The following KNL1 variants were observed in gnomAD, a reference collection of about 807,000 sequenced individuals.
KNL1 encodes the protein kinetochore scaffold 1.
A neutral mutation model predicts 201.3 loss-of-function variants in KNL1; 66 were observed. The observed-to-expected ratio is 0.33, with a 90% confidence interval of 0.27 to 0.40. KNL1 has a LOEUF of 0.40. Among genes scored for constraint, KNL1 ranks in the 10% least tolerant of loss-of-function variants. The probability of loss-of-function intolerance (pLI) is 1.00; values close to 1 mark genes in which losing one functional copy is unlikely to be tolerated. For missense variants in KNL1, 2,815 were observed against 2,690.5 expected, an observed-to-expected ratio of 1.05 and a Z score of -1.02; for synonymous variants, 895 against 899.2, an observed-to-expected ratio of 1.00 and a Z score of 0.08.
In KNL1 at chr15:40,599,966, A is replaced by G. The variant is rs1228781931; in HGVS notation, c.-17-2949A>G. ...GCTGGGACTGCAGGCACATTGCCCC[A>G]TATCTGCCCACCCAATTTTGCATTT... is the stretch of plus-strand genomic sequence containing the variant. On this transcript the variant is annotated intron_variant, in intron 1 of 25. Coordinates refer to ENST00000399668, the MANE Select transcript of KNL1 (RefSeq NM_144508.5). Among the ~76,000 whole-genome samples the G allele has an allele frequency of 4.6e-5, 7 of 151,500 alleles. No homozygotes were observed. In the East Asian group the frequency reaches 1.4e-3, roughly 29 times the overall value.
chr15:40,636,003 A>G (rs1222384117), intron 13 of KNL1, among the ~76,000 whole-genome samples: 3 of 151,830 alleles, frequency 2.0e-5, no homozygotes, highest in Non-Finnish European at 4.4e-5. Context: ...ATGCCTGGCT[A>G]ATTTTTGTAT....
intron 2 of KNL1, among the ~76,000 whole-genome samples, chr15:40,603,610 A>G (rs956780760): frequency 1.3e-5 from 2 of 152,322 alleles, no homozygotes; most frequent in East Asian, 3.9e-4. Flanking sequence ...TCTACAAAAA[A>G]TAAATTTTTT....
At chr15:40,602,313 T>G (rs1282574879) in intron 1 of KNL1, among the ~76,000 whole-genome samples, 1 of 149,564 alleles carries the variant, frequency 6.7e-6, no homozygotes. Flanking sequence ...ATTTTTTTTT[T>G]TTTCAGTAGA....
chr15:40,661,495 G>A (rs1893907978), intron 25 of KNL1, among the ~76,000 whole-genome samples: 1 of 152,044 alleles, frequency 6.6e-6, no homozygotes, highest in Non-Finnish European at 1.5e-5. Flanking sequence ...GACTCTGGGG[G>A]TGGGGAAAAA....
At chr15:40,658,820 A>C (rs1164890351) in intron 24 of KNL1, among the ~76,000 whole-genome samples, 5 of 149,066 alleles carry the variant, frequency 3.4e-5, no homozygotes, top group Non-Finnish European at 7.4e-5. Flanking sequence ...GTCCCAGCTA[A>C]TCAGGAGGCT....
intron 21 of KNL1, among the ~76,000 whole-genome samples, chr15:40,652,455 C>CTTTTTTTTTTT (rs35374662): frequency 8.3e-6 from 1 of 120,066 alleles, no homozygotes. Context: ...GCTGGAGATT[C>CTTTTTTTTTTT]TTTTTTTTTT....
In KNL1 at chr15:40,662,138, G is replaced by A; in HGVS notation, c.6901G>A (p.Val2301Ile). Residue 2301 changes from valine (V) to isoleucine (I), a missense_variant, in exon 26 of 26, where the codon GTC becomes ATC. Val to Ile is a conservative substitution (Grantham distance 29). This residue lies in a region of KNL1 where 334 missense variants were observed against 362.6 expected (regional missense o/e 0.92). Coordinates refer to ENST00000399668, the MANE Select transcript of KNL1 (RefSeq NM_144508.5). ...PLENNYLKNV[V>I]KQIYQDLFQD... ...GGAGAACAACTACCTGAAGAATGTAGTCAAGCAAATTTACCAAGATCTGTT... is the reference window on the plus strand; with the variant it reads ...GGAGAACAACTACCTGAAGAATGTAATCAAGCAAATTTACCAAGATCTGTT... 6.2e-7 allele frequency: 1 copy of A among 1,613,120 alleles called. No homozygotes were observed. The highest frequency in any genetic ancestry group is 1.1e-5 in the South Asian group (1 of 91,050).
At chr15:40,659,894 ATGTGTGTGTGTGTG>A (rs776409302) in intron 25 of KNL1, among the ~76,000 whole-genome samples, 1 of 146,872 alleles carries the variant, frequency 6.8e-6, no homozygotes. Flanking sequence ...TGAAGAATTT[ATGTGTGTGTGTGTG>A]TGTGTGTGTG....
intron 1 of KNL1, among the ~76,000 whole-genome samples, chr15:40,601,463 G>A (rs531869231): frequency 1.9e-4 from 29 of 152,230 alleles, no homozygotes; most frequent in Non-Finnish European, 3.8e-4. Flanking sequence ...CTAGCATCCT[G>A]ATCAAAGTTA....
intron 12 of KNL1, 24 bp from the exon 13 acceptor site, chr15:40,629,249 G>A (rs1892834513): frequency 1.4e-6 from 2 of 1,434,440 alleles, no homozygotes; most frequent in South Asian, 2.5e-5. Flanking sequence ...GAATGGTCAT[G>A]CAAACTTTTT....
At chr15:40,601,166 C>T (rs989787519) in intron 1 of KNL1, among the ~76,000 whole-genome samples, 17 of 152,258 alleles carry the variant, frequency 1.1e-4, no homozygotes, top group African/African-American at 3.4e-4. Flanking sequence ...TTGATTCTCA[C>T]GGGAGCACAA....
chr15:40,657,293 GAGCCACTA>G (rs1893764003), intron 23 of KNL1, 54 bp from the exon 24 acceptor site: 3 of 1,090,556 alleles, frequency 2.8e-6, no homozygotes, highest in South Asian at 2.6e-5. Flanking sequence ...CTTTGTAAGT[GAGCCACTA>G]AGCATTGAAA....
chr15:40,657,332 A>G, intron 23 of KNL1, 23 bp from the exon 24 acceptor site: 1 of 1,430,590 alleles, frequency 7.0e-7, no homozygotes, highest in Non-Finnish European at 9.8e-7. Flanking sequence ...ATTTCACTGG[A>G]TTTTTTTTCC....
chr15:40,619,065 A>G, intron 9 of KNL1, 54 bp downstream of exon 9: 1 of 1,169,272 alleles, frequency 8.6e-7, no homozygotes, highest in Non-Finnish European at 1.3e-6. Context: ...TTGTTAAAAC[A>G]GAAAACACAA....
Position 40,654,891 on chromosome 15 carries a change from T to C in KNL1, c.6416-18T>C. The C allele has an allele frequency of 6.2e-7, 1 of 1,601,536 alleles. No homozygotes were observed. The highest frequency in any genetic ancestry group is 8.5e-7 in the Non-Finnish European group (1 of 1,172,102). On this transcript the variant is annotated intron_variant, in intron 21 of 25. Coordinates refer to ENST00000399668, the MANE Select transcript of KNL1 (RefSeq NM_144508.5). ...GTCTAAAAAAATTTTTAAAAATCAT[T>C]ATTCTGGTTCTTTCTAGTTGGTTTC...
intron 1 of KNL1, among the ~76,000 whole-genome samples, chr15:40,601,993 C>T (rs1476375588): frequency 6.1e-5 from 9 of 147,974 alleles, no homozygotes; most frequent in Non-Finnish European, 1.3e-4. Context: ...AGGTGCACGC[C>T]GCCACGCCTG....
chr15:40,606,648 G>A (rs1038064404), intron 4 of KNL1, among the ~76,000 whole-genome samples, 196 bp downstream of exon 4: 19 of 152,126 alleles, frequency 1.2e-4, no homozygotes, highest in African/African-American at 4.6e-4. Flanking sequence ...ACCCAGGTTG[G>A]AGTGTAGTGG....
Position 40,624,116 on chromosome 15 carries a change from T to C in KNL1, c.3852T>C (p.Asn1284=), listed in dbSNP as rs1258416375. The C allele has an allele frequency of 1.2e-6, 2 of 1,613,966 alleles. No individual in the cohort carries two copies. The highest frequency in any genetic ancestry group is 1.7e-6 in the Non-Finnish European group (2 of 1,179,922). The change falls in exon 10 of 26, where the codon AAT becomes AAC. Residue 1284 remains asparagine (N), a synonymous_variant. Transcript: ENST00000399668. The part of the protein sequence containing the change: ...SCQLNNRDRR[N]VDFTSSHATA... ...AGTTAAATAATAGAGATAGAAGAAA[T>C]GTGGACTTTACAAGTAGTCATGCAA...
In KNL1 at chr15:40,602,396, A is replaced by G. The variant is rs1326961673; in HGVS notation, c.-17-519A>G. On this transcript the variant is annotated intron_variant, in intron 1 of 25. Coordinates refer to ENST00000399668, the MANE Select transcript of KNL1 (RefSeq NM_144508.5). ...TGTGATCCACCCGCCTCGGCCTCCC[A>G]CAGTGCTGAGATTACAGGCATGAGC... Among the ~76,000 whole-genome samples, 3 of 139,736 alleles carry G rather than the reference A, an allele frequency of 2.1e-5. No homozygotes were observed. In the Admixed American group the frequency reaches 2.2e-4, roughly 10 times the overall value. 91.7% of individuals were successfully genotyped at this position (139,736 alleles called of 152,430 possible).
Sources: gnomAD v4.1 joint callset for allele counts (sites outside exome capture counted in the v4.1 genomes callset) on GRCh38, gnomAD v4.1.1 for gene constraint, gnomAD v4.1.1 regional missense constraint, MANE v1.5 for transcripts, NCBI Gene and HGNC (gene_info 2026-07-23, HGNC 2026-07-21) for gene names.